The following PRKG1 variants were observed in gnomAD, a reference collection of about 807,000 sequenced individuals.
The protein encoded by PRKG1 is cGMP-dependent protein kinase 1.
A neutral mutation model predicts 88.1 loss-of-function variants in PRKG1; 35 were observed. The ratio of observed to expected loss-of-function variants is 0.40; its 90% CI spans 0.30 to 0.53. PRKG1 has a LOEUF of 0.53. Among genes scored for constraint, PRKG1 ranks in the 20% least tolerant of loss-of-function variants. The pLI, the probability that PRKG1 is intolerant of heterozygous loss-of-function variation, is 0.59. For synonymous variants in PRKG1, 303 were observed against 292.5 expected (o/e 1.04, Z -0.37); for missense variants, 540 against 839.8 (o/e 0.64, Z 4.41).
chr10:51,986,389 A>C (rs139935707), intron 5 of PRKG1, among the ~76,000 whole-genome samples: 89 of 152,344 alleles, frequency 5.8e-4, no homozygotes, highest in African/African-American at 2.0e-3. Context: ...AGAACACATA[A>C]GATAGTCACT....
chr10:51,375,263 A>G (rs1842794429), intron 2 of PRKG1, among the ~76,000 whole-genome samples: 1 of 152,184 alleles, frequency 6.6e-6, no homozygotes, highest in Non-Finnish European at 1.5e-5. Flanking sequence ...AAATAATAAT[A>G]GTACCTATTT....
intron 4 of PRKG1, among the ~76,000 whole-genome samples, chr10:51,835,506 G>A (rs10999699): frequency 0.012 from 1,859 of 152,240 alleles, 57 homozygotes; most frequent in East Asian, 0.1. Flanking sequence ...CACTTAGTAC[G>A]CACACAACAA....
At chr10:52,208,403 A>G (rs559322873) in intron 9 of PRKG1, among the ~76,000 whole-genome samples, 33 of 152,336 alleles carry the variant, frequency 2.2e-4, no homozygotes, top group African/African-American at 7.5e-4. Context: ...TCTGCAAACA[A>G]TTCTGTATAG....
At chr10:51,688,484 A>ATTTTTCT (rs1270696683) in intron 3 of PRKG1, among the ~76,000 whole-genome samples, 1 of 149,146 alleles carries the variant, frequency 6.7e-6, no homozygotes, top group East Asian at 2.0e-4. Flanking sequence ...TTCCTCAAGG[A>ATTTTTCT]TTTTTCTTCC....
At chr10:51,913,631 A>G (rs1842274310) in intron 5 of PRKG1, among the ~76,000 whole-genome samples, 1 of 152,186 alleles carries the variant, frequency 6.6e-6, no homozygotes, top group Non-Finnish European at 1.5e-5. Context: ...ATCTGTCCAG[A>G]CCAAACACAG....
At chr10:51,480,224 G>A (rs1027248764) in intron 3 of PRKG1, among the ~76,000 whole-genome samples, 3 of 152,092 alleles carry the variant, frequency 2.0e-5, no homozygotes, top group African/African-American at 7.2e-5. Flanking sequence ...CATGTGGTAA[G>A]CTACCCAGGA....
At chr10:51,132,480 A>G (rs1341249848) in intron 1 of PRKG1, among the ~76,000 whole-genome samples, 5 of 152,006 alleles carry the variant, frequency 3.3e-5, no homozygotes, top group Non-Finnish European at 5.9e-5. Flanking sequence ...TCATAAGGCT[A>G]TTTCTTGTGT....
At chr10:51,476,643 T>C (rs1448313058) in intron 3 of PRKG1, among the ~76,000 whole-genome samples, 1 of 151,962 alleles carries the variant, frequency 6.6e-6, no homozygotes, top group Non-Finnish European at 1.5e-5. Flanking sequence ...AAAGTAAAAT[T>C]TCATAGAGTA....
At chr10:51,697,936 T>C (rs2132406133) in intron 3 of PRKG1, 1 of 1,599,016 alleles carries the variant, frequency 6.3e-7, no homozygotes, top group Non-Finnish European at 8.5e-7. Context: ...CTCCTCCTTG[T>C]ATACTGACTC....
intron 3 of PRKG1, among the ~76,000 whole-genome samples, chr10:51,529,741 T>C (rs893764608): frequency 4.6e-5 from 7 of 152,182 alleles, no homozygotes; most frequent in African/African-American, 1.7e-4. Flanking sequence ...ACTGAAATTA[T>C]CTTAGTTATT....
chr10:51,894,781 G>C (rs1458280961), intron 4 of PRKG1, among the ~76,000 whole-genome samples: 1 of 152,140 alleles, frequency 6.6e-6, no homozygotes, highest in African/African-American at 2.4e-5. Flanking sequence ...AAAGACAACA[G>C]TTTTAGGATT....
chr10:51,969,712 A>G (rs563485866), intron 5 of PRKG1, among the ~76,000 whole-genome samples: 2 of 152,186 alleles, frequency 1.3e-5, no homozygotes, highest in East Asian at 1.9e-4. Flanking sequence ...CAAAACTACA[A>G]TGCAATACAA....
intron 2 of PRKG1, among the ~76,000 whole-genome samples, chr10:51,158,032 C>T (rs376716630): frequency 1.2e-4 from 18 of 151,942 alleles, no homozygotes; most frequent in East Asian, 1.2e-3. Flanking sequence ...TCAATATCCT[C>T]CTTGTAGCTC....
Position 52,272,495 on chromosome 10 carries a change from G to T in PRKG1, c.1403+14G>T, listed in dbSNP as rs762448924. ...TCTCAGGGATAGGTAGGAGATTTAA[G>T]AAATTTCTATGATATCTCTAAAAAC... On this transcript the variant is annotated intron_variant, in intron 12 of 17. Transcript: ENST00000373980. 1 of 1,567,208 alleles carries T rather than the reference G, an allele frequency of 6.4e-7. No homozygotes were observed. Among genetic ancestry groups the T allele is most frequent in the African/African-American group, 1.4e-5 (1 of 73,454 alleles).
chr10:51,113,510 A>C (rs915698090), intron 1 of PRKG1, among the ~76,000 whole-genome samples: 2 of 152,166 alleles, frequency 1.3e-5, no homozygotes, highest in Non-Finnish European at 1.5e-5. Flanking sequence ...ACAGGAAAGA[A>C]AAGTTATCAA....
chr10:51,225,700 G>T (rs771105230), intron 2 of PRKG1, among the ~76,000 whole-genome samples: 5 of 151,958 alleles, frequency 3.3e-5, no homozygotes, highest in African/African-American at 4.8e-5. Context: ...TAGTGAAGGT[G>T]TTGCTTTTTA....
At position 52,161,975 on chromosome 10, in the gene PRKG1, T is replaced by A. The variant is rs1362270629; in HGVS notation, c.1076+12T>A. Reference sequence around the variant, plus strand: ...GAAGCTAAAGCAAAGTAAGTGACTTTTTTCCTTAATTTTGATTGCAAAATG... The same window carrying A: ...GAAGCTAAAGCAAAGTAAGTGACTTATTTCCTTAATTTTGATTGCAAAATG... On this transcript the variant is annotated intron_variant, in intron 9 of 17. Coordinates refer to ENST00000373980, the MANE Select transcript of PRKG1 (RefSeq NM_006258.4). 1 of 1,601,042 alleles carries A rather than the reference T, an allele frequency of 6.2e-7. No homozygotes were observed. Among genetic ancestry groups the A allele is most frequent in the African/African-American group, 1.4e-5 (1 of 73,976 alleles).
At chr10:51,426,765 C>T (rs1367998730) in intron 2 of PRKG1, among the ~76,000 whole-genome samples, 1 of 152,068 alleles carries the variant, frequency 6.6e-6, no homozygotes, top group South Asian at 2.1e-4. Flanking sequence ...CCTTCTGTTG[C>T]TGGGTAGATT....
rs1430671456 is a variant in PRKG1, at chr10:52,176,142, C to T, written c.1076+14179C>T. Among the ~76,000 whole-genome samples, 4 of 128,834 alleles carry T rather than the reference C, an allele frequency of 3.1e-5. No individual in the cohort carries two copies. In the East Asian group the frequency reaches 7.0e-4, roughly 23 times the overall value. 84.5% of individuals were successfully genotyped at this position (128,834 alleles called of 152,430 possible). A position where few individuals can be genotyped will look rare whatever the true frequency, so the allele number is the denominator to read the frequency against. Reference sequence around the variant, plus strand: ...GCAGTTTGGGGTCTTACATTTCGATCTTTGATCGATTTTGAGTTTTTTCTT... The same window carrying T: ...GCAGTTTGGGGTCTTACATTTCGATTTTTGATCGATTTTGAGTTTTTTCTT... On this transcript the variant is annotated intron_variant, in intron 9 of 17. Coordinates refer to ENST00000373980, the MANE Select transcript of PRKG1 (RefSeq NM_006258.4).
Sources: allele counts gnomAD v4.1 joint callset (sites outside exome capture counted in the v4.1 genomes callset), GRCh38; gene constraint gnomAD v4.1.1; transcripts MANE v1.5; gene names NCBI Gene and HGNC (gene_info 2026-07-23, HGNC 2026-07-21).